Variants in MDFIC2 observed in about 807,000 individuals in gnomAD.
MDFIC2 encodes MyoD family inhibitor domain containing 2.
At chr3:70,263,273 C>T (rs536527902) in intron 2 of MDFIC2, among the ~76,000 whole-genome samples, 31 of 151,828 alleles carry the variant, frequency 2.0e-4, no homozygotes, top group Admixed American at 7.2e-4. Flanking sequence ...TTTATGTTAT[C>T]GAGTGCTGGT....
intron 1 of MDFIC2, among the ~76,000 whole-genome samples, chr3:70,312,282 A>G (rs751225042): frequency 6.6e-6 from 1 of 152,250 alleles, no homozygotes; most frequent in Non-Finnish European, 1.5e-5. Context: ...GAAACAAACA[A>G]ACATTCAGTA....
chr3:70,199,929 A>T (rs1701221934), intron 3 of MDFIC2, among the ~76,000 whole-genome samples: 1 of 152,114 alleles, frequency 6.6e-6, no homozygotes, highest in African/African-American at 2.4e-5. Flanking sequence ...GCCAAACTGC[A>T]TTTTGGATCT....
At chr3:70,306,271 C>T (rs2106705696) in intron 2 of MDFIC2, among the ~76,000 whole-genome samples, 1 of 152,140 alleles carries the variant, frequency 6.6e-6, no homozygotes, top group Admixed American at 6.5e-5. Flanking sequence ...ACGTGGCTAG[C>T]CCGGCTAATT....
chr3:70,239,680 A>G (rs981769028), intron 2 of MDFIC2, among the ~76,000 whole-genome samples: 1 of 152,112 alleles, frequency 6.6e-6, no homozygotes, highest in African/African-American at 2.4e-5. Context: ...AGGGCCGATC[A>G]TCTCTCAAGT....
At chr3:70,225,937 GT>G (rs1701501899) in intron 2 of MDFIC2, among the ~76,000 whole-genome samples, 1 of 152,114 alleles carries the variant, frequency 6.6e-6, no homozygotes, top group Admixed American at 6.6e-5. Context: ...CTACCAAGTG[GT>G]CTTTTGATGA....
chr3:70,288,156 G>A (rs1212355175), intron 2 of MDFIC2, among the ~76,000 whole-genome samples: 3 of 144,092 alleles, frequency 2.1e-5, no homozygotes, highest in African/African-American at 7.8e-5. Context: ...ATGTTAGGGT[G>A]TCAATTTTGG....
intron 2 of MDFIC2, among the ~76,000 whole-genome samples, chr3:70,253,600 G>C (rs1460258981): frequency 1.3e-5 from 2 of 152,188 alleles, no homozygotes; most frequent in East Asian, 3.9e-4. Flanking sequence ...ATGCACCTCT[G>C]TAGTCCTAGC....
rs1484567295 is a variant in MDFIC2, at chr3:70,218,603, T to A, written c.89-11813A>T. On this transcript the variant is annotated intron_variant, in intron 2 of 3. Transcript: ENST00000567252. ...CTTTTCCTCAGAGTTTCTATAGTGG[T>A]AACAGGATTAACAGACTCTATTCTG... 3.3e-5 allele frequency among the ~76,000 whole-genome samples: 5 copies of A among 152,200 alleles called. No individual in the cohort carries two copies. In the East Asian group the frequency reaches 9.7e-4, roughly 30 times the overall value.
chr3:70,251,056 A>C (rs1277942623), intron 2 of MDFIC2, among the ~76,000 whole-genome samples: 1 of 152,200 alleles, frequency 6.6e-6, no homozygotes, highest in Non-Finnish European at 1.5e-5. Context: ...TATGCTGTAC[A>C]CGGTTGAATC....
chr3:70,272,586 G>C (rs1559550697), intron 2 of MDFIC2, among the ~76,000 whole-genome samples: 1 of 152,258 alleles, frequency 6.6e-6, no homozygotes, highest in East Asian at 1.9e-4. Context: ...TCTTTACGTG[G>C]ACATATGTTT....
chr3:70,279,741 G>C (rs1702063095), intron 2 of MDFIC2, among the ~76,000 whole-genome samples: 1 of 152,174 alleles, frequency 6.6e-6, no homozygotes, highest in Non-Finnish European at 1.5e-5. Context: ...TTGCCAAGGA[G>C]CTGGATGGCA....
intron 2 of MDFIC2, among the ~76,000 whole-genome samples, chr3:70,268,505 A>G (rs898346940): frequency 1.3e-5 from 2 of 149,154 alleles, no homozygotes; most frequent in African/African-American, 4.9e-5. Context: ...AATCCCCACC[A>G]GAATGGTGCA....
chr3:70,207,814 G>A (rs934452482), intron 2 of MDFIC2, among the ~76,000 whole-genome samples: 1 of 152,100 alleles, frequency 6.6e-6, no homozygotes, highest in African/African-American at 2.4e-5. Context: ...TTAGAGACCT[G>A]AGCATCTGAA....
At chr3:70,274,120 G>A (rs1204918301) in intron 2 of MDFIC2, among the ~76,000 whole-genome samples, 1 of 148,780 alleles carries the variant, frequency 6.7e-6, no homozygotes, top group Non-Finnish European at 1.5e-5. Flanking sequence ...TGTGAGACTG[G>A]GCTAAAGAAA....
chr3:70,243,081 A>G (rs1027794753), intron 2 of MDFIC2, among the ~76,000 whole-genome samples: 1 of 152,098 alleles, frequency 6.6e-6, no homozygotes, highest in Non-Finnish European at 1.5e-5. Context: ...AGGTGGAGGA[A>G]TCTGTTTTAT....
At position 70,235,109 on chromosome 3, in the gene MDFIC2, AC is replaced by A. The variant is rs554999680; in HGVS notation, c.89-28320del. Among the ~76,000 whole-genome samples, 5 of 152,046 alleles carry A rather than the reference AC, an allele frequency of 3.3e-5. No individual in the cohort carries two copies. In the South Asian group the frequency reaches 1.0e-3, roughly 32 times the overall value. On this transcript the variant is annotated intron_variant, in intron 2 of 3. Transcript: ENST00000567252. ...CCTTGTTCCTTTATGTTTTTTTCCA[AC>A]CTCTATTGGAGAAGAAGGGGCCCTC...
chr3:70,235,334 C>A (rs1701597217), intron 2 of MDFIC2, among the ~76,000 whole-genome samples: 1 of 152,166 alleles, frequency 6.6e-6, no homozygotes, highest in African/African-American at 2.4e-5. Flanking sequence ...TTTCCATCTT[C>A]AAATTCCTCT....
Position 70,288,249 on chromosome 3 carries a change from G to T in MDFIC2, c.88+23637C>A, listed in dbSNP as rs867877959. ...CTTTGAATGCATCCCAGAGATTCTG[G>T]TATGTTGTGTCTTTGTTCTCGTTGG... On this transcript the variant is annotated intron_variant, in intron 2 of 3. Coordinates refer to ENST00000567252, the MANE Select transcript of MDFIC2 (RefSeq NM_001364677.1). 3.7e-4 allele frequency among the ~76,000 whole-genome samples: 47 copies of T among 128,306 alleles called. 1 individual carries two copies. In the South Asian group the frequency reaches 0.015, roughly 41 times the overall value. 84.2% of individuals were successfully genotyped at this position (128,306 alleles called of 152,430 possible). A position where few individuals can be genotyped will look rare whatever the true frequency, so the allele number is the denominator to read the frequency against.
At chr3:70,236,399 G>A (rs1701609290) in intron 2 of MDFIC2, among the ~76,000 whole-genome samples, 1 of 151,836 alleles carries the variant, frequency 6.6e-6, no homozygotes, top group African/African-American at 2.4e-5. Context: ...TTTATATTTG[G>A]AATGGCCTCT....
Sources: allele counts gnomAD v4.1 joint callset (sites outside exome capture counted in the v4.1 genomes callset), GRCh38; gene constraint gnomAD v4.1.1; transcripts MANE v1.5; gene names NCBI Gene and HGNC (gene_info 2026-07-23, HGNC 2026-07-21).